The following GTPBP10 variants were observed in gnomAD, a reference collection of about 807,000 sequenced individuals.
GTPBP10 encodes the protein GTP-binding protein 10.
Under a neutral mutation model 44.8 loss-of-function variants are expected in GTPBP10, and 38 were observed. The ratio of observed to expected loss-of-function variants is 0.85; its 90% CI spans 0.65 to 1.11. The LOEUF (loss-of-function observed/expected upper bound fraction) is 1.11. GTPBP10 is among the 50% of genes most tolerant of loss of function. The probability of loss-of-function intolerance (pLI) is 0.00; values close to 1 mark genes in which losing one functional copy is unlikely to be tolerated. For synonymous variants in GTPBP10, 152 were observed against 150.6 expected (o/e 1.01, Z -0.07); for missense variants, 462 against 453.7 (o/e 1.02, Z -0.17).
At chr7:90,380,906 G>A (rs897451978) in intron 8 of GTPBP10, among the ~76,000 whole-genome samples, 7 of 151,878 alleles carry the variant, frequency 4.6e-5, no homozygotes, top group Non-Finnish European at 8.8e-5. Flanking sequence ...TCTGTGCTTG[G>A]CTTATTTCAC....
intron 5 of GTPBP10, among the ~76,000 whole-genome samples, chr7:90,374,050 C>T (rs533682471): frequency 1.6e-4 from 24 of 152,280 alleles, no homozygotes; most frequent in African/African-American, 5.8e-4. Context: ...GCTGCCCAGG[C>T]TCATCTTGAA....
chr7:90,375,420 G>C (rs778212588), intron 6 of GTPBP10, among the ~76,000 whole-genome samples: 6 of 152,018 alleles, frequency 3.9e-5, no homozygotes, highest in Non-Finnish European at 8.8e-5. Context: ...GTAAAGTATA[G>C]ACTTTGGGTG....
At chr7:90,370,233 A>G (rs1796231023) in intron 4 of GTPBP10, among the ~76,000 whole-genome samples, 1 of 152,190 alleles carries the variant, frequency 6.6e-6, no homozygotes, top group African/African-American at 2.4e-5. Flanking sequence ...AAGTCATTAT[A>G]TTAAAAAGAT....
At chr7:90,381,617 G>A (rs1338219360) in intron 8 of GTPBP10, among the ~76,000 whole-genome samples, 1 of 152,104 alleles carries the variant, frequency 6.6e-6, no homozygotes, top group Admixed American at 6.6e-5. Context: ...ATCTTATCTT[G>A]AGCAAAAGGA....
chr7:90,391,203 T>C lies in GTPBP10; in HGVS notation c.*6049T>C, dbSNP rs557960309. ...ATGAAGCAGAAAACTCCCCCATGAT[T>C]TCCTCATGTTGCTTAGAATAGTGTG... On this transcript the variant is annotated 3_prime_UTR_variant, in exon 10 of 10. Coordinates refer to ENST00000222511, the MANE Select transcript of GTPBP10 (RefSeq NM_033107.4). 7.9e-5 allele frequency: 12 copies of C among 152,290 alleles called. No homozygotes were observed. The East Asian group carries it at 2.3e-3, about 29-fold the overall frequency. 9.4% of individuals were successfully genotyped at this position (152,290 alleles called of 1,614,324 possible).
chr7:90,373,885 G>A (rs1001208925), intron 5 of GTPBP10, among the ~76,000 whole-genome samples: 4 of 152,142 alleles, frequency 2.6e-5, no homozygotes, highest in Non-Finnish European at 5.9e-5. Flanking sequence ...ATGTCACCCA[G>A]GCAGGAGTAC....
intron 4 of GTPBP10, chr7:90,371,255 G>C: frequency 1.3e-6 from 1 of 768,064 alleles, no homozygotes; most frequent in Non-Finnish European, 1.6e-6. Flanking sequence ...GTTGTTTAGA[G>C]TGAAAAATTG....
intron 4 of GTPBP10, among the ~76,000 whole-genome samples, chr7:90,361,669 CT>C (rs757628989): frequency 2.6e-5 from 4 of 152,174 alleles, no homozygotes; most frequent in African/African-American, 4.8e-5. Context: ...AGGATTCCCT[CT>C]TTTTCTATTG....
chr7:90,379,562 C>T (rs111573084), intron 8 of GTPBP10, among the ~76,000 whole-genome samples: 2,356 of 152,290 alleles, frequency 0.015, 59 homozygotes, highest in African/African-American at 0.052. Flanking sequence ...TGCCTTACCT[C>T]CAGGATTTTA....
intron 6 of GTPBP10, among the ~76,000 whole-genome samples, chr7:90,377,173 A>G (rs773050752): frequency 7.2e-5 from 11 of 152,186 alleles, no homozygotes; most frequent in African/African-American, 2.2e-4. Context: ...ACAGTGATCT[A>G]TGGTCACACC....
intron 4 of GTPBP10, among the ~76,000 whole-genome samples, chr7:90,366,025 G>C (rs143937821): frequency 2.6e-5 from 4 of 152,198 alleles, no homozygotes; most frequent in African/African-American, 9.6e-5. Context: ...AGATAATCAT[G>C]TGGTTTTTGT....
rs914468502 is a variant in GTPBP10 at position 90,349,866 on chromosome 7, C to G, written c.34-2950C>G. Among the ~76,000 whole-genome samples the G allele has an allele frequency of 2.0e-5, 3 of 152,152 alleles. No homozygotes were observed. In the East Asian group the frequency reaches 5.8e-4, roughly 29 times the overall value. On this transcript the variant is annotated intron_variant, in intron 1 of 9. Coordinates refer to ENST00000222511, the MANE Select transcript of GTPBP10 (RefSeq NM_033107.4). ...ATCTGCTGCCTCTTAGTTGGCAGAACCTGCTTCACCTGTTATCTTGATATT... is the reference window on the plus strand; with the variant it reads ...ATCTGCTGCCTCTTAGTTGGCAGAAGCTGCTTCACCTGTTATCTTGATATT...
At chr7:90,357,387 A>G (rs765414575) in intron 4 of GTPBP10, among the ~76,000 whole-genome samples, 8 of 152,196 alleles carry the variant, frequency 5.3e-5, no homozygotes, top group Non-Finnish European at 1.0e-4. Context: ...CAAAAGCTAT[A>G]AGAACCTGGA....
intron 4 of GTPBP10, among the ~76,000 whole-genome samples, chr7:90,365,461 C>T (rs1327894911): frequency 6.8e-5 from 10 of 146,670 alleles, no homozygotes; most frequent in East Asian, 6.0e-4. Flanking sequence ...CTGCAAGCTC[C>T]GCCTCCCAGG....
intron 1 of GTPBP10, among the ~76,000 whole-genome samples, chr7:90,351,928 A>C (rs1179068381): frequency 6.6e-6 from 1 of 151,940 alleles, no homozygotes; most frequent in East Asian, 1.9e-4. Context: ...GATCTCCTGA[A>C]CTCGTGATCC....
chr7:90,361,117 C>T (rs561395026), intron 4 of GTPBP10, among the ~76,000 whole-genome samples: 2 of 152,100 alleles, frequency 1.3e-5, no homozygotes, highest in Non-Finnish European at 2.9e-5. Context: ...TAATTGAATA[C>T]CCTTTATTTC....
At chr7:90,383,549 TTCTGAAAAGAAC>T (rs1796468894) in intron 9 of GTPBP10, among the ~76,000 whole-genome samples, 1 of 152,242 alleles carries the variant, frequency 6.6e-6, no homozygotes, top group African/African-American at 2.4e-5. Context: ...AGGATGAGTC[TTCTGAAAAGAAC>T]TTCATTTTTC....
At position 90,388,907 on chromosome 7, in the gene GTPBP10, G is replaced by A. The variant is rs2115808646; in HGVS notation, c.*3753G>A. ...TTTTACAAATCCCATCTACAAATTTGCATTGTCATTAAGATATATTAAAAA... is the reference window on the plus strand; with the variant it reads ...TTTTACAAATCCCATCTACAAATTTACATTGTCATTAAGATATATTAAAAA... On this transcript the variant is annotated 3_prime_UTR_variant, in exon 10 of 10. Coordinates refer to ENST00000222511, the MANE Select transcript of GTPBP10 (RefSeq NM_033107.4). 1 of 152,222 alleles carries A rather than the reference G, an allele frequency of 6.6e-6. No individual in the cohort carries two copies. The highest frequency in any genetic ancestry group is 2.1e-4 in the South Asian group (1 of 4,824). The allele number at this position is 152,222 out of a possible 1,614,324, so 9.4% of individuals were successfully genotyped here.
chr7:90,379,021 A>G (rs1012733696), intron 8 of GTPBP10, among the ~76,000 whole-genome samples: 1 of 152,160 alleles, frequency 6.6e-6, no homozygotes, highest in African/African-American at 2.4e-5. Flanking sequence ...TCTTTAGACC[A>G]GATGCCCATC....
Sources: allele counts gnomAD v4.1 joint callset (sites outside exome capture counted in the v4.1 genomes callset), GRCh38; gene constraint gnomAD v4.1.1; transcripts MANE v1.5; gene names NCBI Gene and HGNC (gene_info 2026-07-23, HGNC 2026-07-21).